The following CEP126 variants were observed in gnomAD, a reference collection of about 807,000 sequenced individuals.
CEP126 encodes the protein centrosomal protein 126, also known as centrosomal protein of 126 kDa.
Under a neutral mutation model 107.8 loss-of-function variants are expected in CEP126, and 74 were observed. The ratio of observed to expected loss-of-function variants is 0.69; its 90% CI spans 0.57 to 0.83. The LOEUF (loss-of-function observed/expected upper bound fraction) is 0.83. Ranked by LOEUF, CEP126 falls within the 40% of genes least tolerant of loss-of-function variation. The pLI, the probability that CEP126 is intolerant of heterozygous loss-of-function variation, is 0.00. For synonymous variants in CEP126, 449 were observed against 446.0 expected (o/e 1.01, Z -0.08); for missense variants, 1,237 against 1,281.9 (o/e 0.96, Z 0.53).
intron 4 of CEP126, among the ~76,000 whole-genome samples, chr11:101,957,535 T>G: frequency 6.6e-6 from 1 of 152,220 alleles, no homozygotes; most frequent in Non-Finnish European, 1.5e-5. Flanking sequence ...AAAGGTAGAC[T>G]CTATATTAAG....
intron 9 of CEP126, among the ~76,000 whole-genome samples, chr11:101,987,326 C>G (rs896782698): frequency 6.6e-6 from 1 of 152,146 alleles, no homozygotes; most frequent in African/African-American, 2.4e-5. Flanking sequence ...GACCATCCAT[C>G]AAAACAACCA....
chr11:101,977,272 T>A (rs1941201688), intron 6 of CEP126, among the ~76,000 whole-genome samples: 1 of 152,124 alleles, frequency 6.6e-6, no homozygotes, highest in Admixed American at 6.6e-5. Context: ...TGTTTACCTA[T>A]CCTTGCATTA....
In CEP126 at chr11:101,962,093, T is replaced by C; in HGVS notation, c.1058T>C (p.Leu353Ser). Reference protein sequence around the residue: ...FNSKEQNPSPLNGTVERATNT... With the variant: ...FNSKEQNPSPSNGTVERATNT... Reference sequence around the variant, plus strand: ...AGTAAAGAACAAAATCCATCTCCTTTGAATGGAACAGTGGAAAGAGCCACA... The same window carrying C: ...AGTAAAGAACAAAATCCATCTCCTTCGAATGGAACAGTGGAAAGAGCCACA... Residue 353 changes from leucine to serine, a missense_variant, in exon 6 of 11, where the codon TTG (leucine) becomes TCG (serine). By Grantham distance (145) the Leu-to-Ser change is moderately radical. Transcript: ENST00000263468. 6.2e-7 allele frequency: 1 copy of C among 1,612,398 alleles called. No homozygotes were observed. Among genetic ancestry groups the C allele is most frequent in the Non-Finnish European group, 8.5e-7 (1 of 1,179,406 alleles).
At chr11:101,954,966 T>C (rs1940864845) in intron 4 of CEP126, among the ~76,000 whole-genome samples, 1 of 151,894 alleles carries the variant, frequency 6.6e-6, no homozygotes, top group Non-Finnish European at 1.5e-5. Context: ...TGTTAAGAAA[T>C]AAAGTAATGC....
chr11:101,973,289 G>A (rs537974938), intron 6 of CEP126, among the ~76,000 whole-genome samples: 1 of 152,060 alleles, frequency 6.6e-6, no homozygotes, highest in Admixed American at 6.5e-5. Context: ...AGTATAAAAT[G>A]GTTTCTAATT....
At chr11:101,940,628 G>A (rs560851702) in intron 2 of CEP126, among the ~76,000 whole-genome samples, 2 of 152,270 alleles carry the variant, frequency 1.3e-5, no homozygotes, top group South Asian at 2.1e-4. Context: ...ATTCCACTTC[G>A]TTGGACATCC....
Position 101,997,746 on chromosome 11 carries a change from C to T in CEP126, c.*103C>T. On this transcript the variant is annotated 3_prime_UTR_variant, in exon 11 of 11. Transcript: ENST00000263468. ...CATAGGAAAACATGTGAGCAACAAC[C>T]CCCATGAACATTTGTCCTAACTCAG... 6.6e-7 allele frequency: 1 copy of T among 1,512,458 alleles called. No homozygotes were observed. Among genetic ancestry groups the T allele is most frequent in the Admixed American group, 1.8e-5 (1 of 56,074 alleles). The allele number at this position is 1,512,458 out of a possible 1,614,324, so 93.7% of individuals were successfully genotyped here. A position where few individuals can be genotyped will look rare whatever the true frequency, so the allele number is the denominator to read the frequency against.
intron 6 of CEP126, among the ~76,000 whole-genome samples, chr11:101,977,975 A>T (rs1941212152): frequency 6.6e-6 from 1 of 152,206 alleles, no homozygotes; most frequent in South Asian, 2.1e-4. Context: ...CCAGGGTGCC[A>T]GTGTCAATCA....
At chr11:101,964,916 ATTT>A (rs1941041722) in intron 6 of CEP126, among the ~76,000 whole-genome samples, 1 of 152,144 alleles carries the variant, frequency 6.6e-6, no homozygotes, top group African/African-American at 2.4e-5. Flanking sequence ...AGTTATATTT[ATTT>A]TTCTTTAAAA....
intron 2 of CEP126, among the ~76,000 whole-genome samples, chr11:101,929,280 A>AT (rs540830427): frequency 5.7e-4 from 87 of 152,254 alleles, no homozygotes; most frequent in African/African-American, 2.0e-3. Context: ...ATGACAAGTG[A>AT]TTTTCTATTG....
intron 8 of CEP126, among the ~76,000 whole-genome samples, chr11:101,984,511 A>T (rs567346441): frequency 9.9e-4 from 151 of 152,362 alleles, no homozygotes; most frequent in Non-Finnish European, 1.7e-3. Flanking sequence ...CAATGATGAA[A>T]TAGCCAAAAG....
At chr11:101,944,529 CTT>C (rs1940710652) in intron 3 of CEP126, 119 bp downstream of exon 3, 1 of 946,736 alleles carries the variant, frequency 1.1e-6, no homozygotes, top group Admixed American at 3.5e-5. Context: ...ACCAATATGA[CTT>C]TTGAGTAAAA....
chr11:101,938,159 C>CAAAAAAAAAAAAAAAAAAA (rs1491167740), intron 2 of CEP126, among the ~76,000 whole-genome samples: 18 of 39,256 alleles, frequency 4.6e-4, no homozygotes, highest in South Asian at 1.6e-3. Context: ...GACTCTGTCT[C>CAAAAAAAAAAAAAAAAAAA]AAAAAAAAAA....
intron 6 of CEP126, among the ~76,000 whole-genome samples, chr11:101,970,609 A>G (rs1178565425): frequency 1.3e-5 from 2 of 151,832 alleles, no homozygotes; most frequent in African/African-American, 4.8e-5. Flanking sequence ...CAAAAAGAAT[A>G]TTTTTTTCTT....
chr11:101,915,333 A>G lies in CEP126; in HGVS notation c.49A>G (p.Thr17Ala). Reference sequence around the variant, plus strand: ...CCGGAGCGCGGTCGGGGAACTGGGCACTGAATCATCGGACAACCTCGACAG... The same window carrying G: ...CCGGAGCGCGGTCGGGGAACTGGGCGCTGAATCATCGGACAACCTCGACAG... Reference protein sequence around the residue: ...GTRSAVGELGTESSDNLDRAP... With the variant: ...GTRSAVGELGAESSDNLDRAP... Residue 17 changes from threonine (T) to alanine (A), a missense_variant, in exon 1 of 11, where the codon ACT (threonine) becomes GCT (alanine). Physicochemically the swap from Thr to Ala is moderately conservative, Grantham distance 58. Coordinates refer to ENST00000263468, the MANE Select transcript of CEP126 (RefSeq NM_020802.4). 6.2e-7 allele frequency: 1 copy of G among 1,613,982 alleles called. No homozygotes were observed. Among genetic ancestry groups the G allele is most frequent in the Non-Finnish European group, 8.5e-7 (1 of 1,179,992 alleles).
chr11:101,959,584 G>A lies in CEP126; in HGVS notation c.705+1218G>A, dbSNP rs554851248. 5.9e-5 allele frequency among the ~76,000 whole-genome samples: 9 copies of A among 152,282 alleles called. No individual in the cohort carries two copies. The East Asian group carries it at 1.2e-3, about 20-fold the overall frequency. On this transcript the variant is annotated intron_variant, in intron 5 of 10. Coordinates refer to ENST00000263468, the MANE Select transcript of CEP126 (RefSeq NM_020802.4). The stretch of plus-strand genomic sequence containing the variant: ...ATGACGCATAACCAGGAGAAGAGTA[G>A]TCAATATAATCAGACAGAAATAACA...
intron 2 of CEP126, among the ~76,000 whole-genome samples, chr11:101,942,372 A>G (rs1289500108): frequency 6.6e-6 from 1 of 152,046 alleles, no homozygotes; most frequent in Admixed American, 6.6e-5. Context: ...TTCTGTAAAG[A>G]TTGTCCTTTT....
chr11:101,997,034 TTTTA>T (rs907200051), intron 10 of CEP126, among the ~76,000 whole-genome samples: 1 of 152,124 alleles, frequency 6.6e-6, no homozygotes, highest in Non-Finnish European at 1.5e-5. Context: ...AACCCTGAAT[TTTTA>T]TTTATTTATT....
At chr11:101,936,755 A>G (rs909068778) in intron 2 of CEP126, among the ~76,000 whole-genome samples, 3 of 152,122 alleles carry the variant, frequency 2.0e-5, no homozygotes, top group African/African-American at 7.2e-5. Flanking sequence ...GTTTGCTGAG[A>G]ATTTTTATGA....
Sources: allele counts gnomAD v4.1 joint callset (sites outside exome capture counted in the v4.1 genomes callset), GRCh38; gene constraint gnomAD v4.1.1; transcripts MANE v1.5; gene names NCBI Gene and HGNC (gene_info 2026-07-23, HGNC 2026-07-21).